DENND2A: variants seen among roughly 807,000 people sequenced by gnomAD.
The protein encoded by DENND2A is DENN domain-containing protein 2A.
In DENND2A, 53 loss-of-function variants were observed where a neutral mutation model predicts 105.3. That is an observed-to-expected ratio of 0.50 (90% CI 0.40 to 0.63). DENND2A has a LOEUF of 0.63. Among genes scored for constraint, DENND2A ranks in the 30% least tolerant of loss-of-function variants. DENND2A has a pLI of 0.00. For synonymous variants in DENND2A, 522 were observed against 508.4 expected (o/e 1.03, Z -0.36); for missense variants, 1,138 against 1,279.6 (o/e 0.89, Z 1.69).
intron 1 of DENND2A, among the ~76,000 whole-genome samples, chr7:140,608,380 T>C (rs2130699005): frequency 6.6e-6 from 1 of 152,254 alleles, no homozygotes; most frequent in African/African-American, 2.4e-5. Flanking sequence ...CTCTGATGAT[T>C]AGCAGTTGTT....
intron 1 of DENND2A, among the ~76,000 whole-genome samples, chr7:140,634,084 C>T (rs545881821): frequency 6.6e-6 from 1 of 151,954 alleles, no homozygotes; most frequent in East Asian, 1.9e-4. Flanking sequence ...CTGCAACCTC[C>T]ACCTACCGGG....
chr7:140,638,948 G>A (rs761251782), intron 1 of DENND2A, among the ~76,000 whole-genome samples: 1 of 152,148 alleles, frequency 6.6e-6, no homozygotes, highest in Non-Finnish European at 1.5e-5. Context: ...GAAGGGGGAC[G>A]TCTCATTCCT....
intron 5 of DENND2A, among the ~76,000 whole-genome samples, chr7:140,585,285 G>C (rs1197928756): frequency 6.6e-6 from 1 of 152,208 alleles, no homozygotes; most frequent in Non-Finnish European, 1.5e-5. Context: ...TTGTATCTTA[G>C]AGTATGCTCT....
At chr7:140,617,578 G>A (rs979055621) in intron 1 of DENND2A, among the ~76,000 whole-genome samples, 14 of 152,044 alleles carry the variant, frequency 9.2e-5, no homozygotes, top group African/African-American at 1.7e-4. Flanking sequence ...TCTGGGTGTC[G>A]TCGTGGGCAC....
At chr7:140,540,744 G>T (rs1198178998) in intron 14 of DENND2A, among the ~76,000 whole-genome samples, 2 of 151,678 alleles carry the variant, frequency 1.3e-5, no homozygotes, top group African/African-American at 4.8e-5. Context: ...TTTAGACAGG[G>T]TCTCGCTCTG....
At chr7:140,616,944 G>A (rs1800103404) in intron 1 of DENND2A, among the ~76,000 whole-genome samples, 1 of 152,172 alleles carries the variant, frequency 6.6e-6, no homozygotes, top group Admixed American at 6.5e-5. Context: ...TGCAACCTCT[G>A]CCACCCGGGT....
Position 140,601,876 on chromosome 7 carries a change from C to T in DENND2A, c.522G>A (p.Ser174=), listed in dbSNP as rs576210233. ...CTGGTAACTGGGGATCCAGCCCTGC[C>T]GACCCATCCTTCAAAGCCTGCTCGA... ...KKLEQALKDG[S]AGLDPQLPGT... Residue 174 remains serine (S), a synonymous_variant, in exon 3 of 20, where the codon TCG becomes TCA. Coordinates refer to ENST00000496613, the MANE Select transcript of DENND2A (RefSeq NM_015689.5). The T allele has an allele frequency of 8.1e-6, 13 of 1,614,072 alleles. No homozygotes were observed. In the East Asian group the frequency reaches 8.9e-5, roughly 11 times the overall value.
intron 10 of DENND2A, 52 bp from the exon 11 acceptor site, chr7:140,558,264 A>C (rs1585628339): frequency 6.9e-7 from 1 of 1,441,878 alleles, no homozygotes; most frequent in Non-Finnish European, 9.7e-7. Context: ...AACCAAAGAC[A>C]CCTCATCACT....
chr7:140,616,950 C>T (rs756019093), intron 1 of DENND2A, among the ~76,000 whole-genome samples: 3 of 152,166 alleles, frequency 2.0e-5, no homozygotes, highest in South Asian at 2.1e-4. Context: ...CTCTGCCACC[C>T]GGGTTCAAGC....
chr7:140,608,669 C>T (rs1464263783), intron 1 of DENND2A, among the ~76,000 whole-genome samples: 2 of 144,514 alleles, frequency 1.4e-5, no homozygotes, highest in East Asian at 3.9e-4. Context: ...CAGTGAGACT[C>T]TGTCTTAAAA....
At position 140,640,502 on chromosome 7, in the gene DENND2A, A is replaced by C. The variant is rs2130753937; in HGVS notation, c.-248+2T>G. 3 of 136,594 alleles carry C rather than the reference A, an allele frequency of 2.2e-5. No individual in the cohort carries two copies. The highest frequency in any genetic ancestry group is 1.6e-5 in the Non-Finnish European group (1 of 63,114). 8.5% of individuals were successfully genotyped at this position (136,594 alleles called of 1,614,324 possible). A position where few individuals can be genotyped will look rare whatever the true frequency, so the allele number is the denominator to read the frequency against. ...GCACCCCCTGGCCCGGCCCGGCCCTACCTCCCCGCGGGCGGCGGCTCCGCG... is the reference window on the plus strand; with the variant it reads ...GCACCCCCTGGCCCGGCCCGGCCCTCCCTCCCCGCGGGCGGCGGCTCCGCG... On this transcript the variant is annotated splice_donor_variant, in intron 1 of 19. Coordinates refer to ENST00000496613, the MANE Select transcript of DENND2A (RefSeq NM_015689.5). LOFTEE classifies it low-confidence loss of function (5UTR_SPLICE). The surrounding 1 kb of genome is among the most constrained non-coding windows in gnomAD (Gnocchi z 4.9).
chr7:140,639,949 G>A (rs1801123421), intron 1 of DENND2A, among the ~76,000 whole-genome samples: 1 of 152,202 alleles, frequency 6.6e-6, no homozygotes, highest in South Asian at 2.1e-4. Flanking sequence ...GGCTCCATCT[G>A]CTCCCAACTC....
rs374659972 is a variant in DENND2A, at chr7:140,522,470, C to T, written c.2666-370G>A. Among the ~76,000 whole-genome samples the T allele has an allele frequency of 4.0e-5, 6 of 151,154 alleles. No individual in the cohort carries two copies. In the East Asian group the frequency reaches 9.9e-4, roughly 25 times the overall value. On this transcript the variant is annotated intron_variant, in intron 17 of 19. Coordinates refer to ENST00000496613, the MANE Select transcript of DENND2A (RefSeq NM_015689.5). ...CTGGGATTATGGGCATGCGCCACCACGCCCAGCTAATTTTTGTATTTTTAG... is the reference window on the plus strand; with the variant it reads ...CTGGGATTATGGGCATGCGCCACCATGCCCAGCTAATTTTTGTATTTTTAG...
intron 14 of DENND2A, among the ~76,000 whole-genome samples, chr7:140,529,013 G>A (rs1222514510): frequency 4.6e-5 from 7 of 151,870 alleles, no homozygotes; most frequent in Non-Finnish European, 8.8e-5. Context: ...GTTGAGGTGG[G>A]AGAACTGCTT....
At chr7:140,589,248 A>G (rs1470202990) in intron 3 of DENND2A, among the ~76,000 whole-genome samples, 2 of 152,212 alleles carry the variant, frequency 1.3e-5, no homozygotes, top group East Asian at 3.8e-4. Context: ...ACAGGCTCCA[A>G]ACTAAAACAG....
Position 140,546,842 on chromosome 7 carries a change from T to G in DENND2A, c.2135A>C (p.Lys712Thr). Residue 712 changes from lysine to threonine, a missense_variant, in exon 13 of 20, where the codon AAA (lysine) becomes ACA (threonine). Physicochemically the swap from Lys to Thr is moderately conservative, Grantham distance 78. This residue lies in a region of DENND2A where 627 missense variants were observed against 779.8 expected (regional missense o/e 0.80). Transcript: ENST00000496613. ...CAGGAAGTTCTTGACAAGGATGGTTTTGCCCAGGGCTGGGAAAGGGGCTTC... is the reference window on the plus strand; with the variant it reads ...CAGGAAGTTCTTGACAAGGATGGTTGTGCCCAGGGCTGGGAAAGGGGCTTC... ...VMEAPFPALG[K>T]TILVKNFLPG... The G allele has an allele frequency of 6.2e-7, 1 of 1,614,180 alleles. No homozygotes were observed. Among genetic ancestry groups the G allele is most frequent in the Non-Finnish European group, 8.5e-7 (1 of 1,180,018 alleles).
At chr7:140,547,853 T>C (rs990645789) in intron 12 of DENND2A, among the ~76,000 whole-genome samples, 1 of 152,206 alleles carries the variant, frequency 6.6e-6, no homozygotes, top group Admixed American at 6.6e-5. Context: ...GAAAACATTA[T>C]GCTAAATGAA....
intron 3 of DENND2A, among the ~76,000 whole-genome samples, chr7:140,600,502 A>G (rs1268612459): frequency 6.6e-6 from 1 of 152,142 alleles, no homozygotes; most frequent in East Asian, 1.9e-4. Context: ...GACATGGGTG[A>G]CCCAGAAGCC....
intron 4 of DENND2A, 103 bp downstream of exon 4, chr7:140,587,550 G>A: frequency 1.4e-6 from 2 of 1,470,646 alleles, no homozygotes; most frequent in South Asian, 2.4e-5. Flanking sequence ...GTGTGTGTGT[G>A]TGTACATGTG....
Sources: gnomAD v4.1 joint callset for allele counts (sites outside exome capture counted in the v4.1 genomes callset) on GRCh38, gnomAD v4.1.1 for gene constraint, gnomAD v4.1.1 regional missense constraint, Gnocchi (gnomAD v3.1) non-coding constraint, MANE v1.5 for transcripts, NCBI Gene and HGNC (gene_info 2026-07-23, HGNC 2026-07-21) for gene names.